Variants in TCF20 observed in about 807,000 individuals in gnomAD.
The protein encoded by TCF20 is SPRE-binding protein.
Under a neutral mutation model 148.6 loss-of-function variants are expected in TCF20, and 3 were observed. The ratio of observed to expected loss-of-function variants is 0.02; its 90% CI spans 0.01 to 0.05. TCF20 has a LOEUF of 0.05. Ranked by LOEUF, TCF20 falls within the 10% of genes least tolerant of loss-of-function variation. The pLI is 1.00. For synonymous variants in TCF20, 1,049 were observed against 909.5 expected (o/e 1.15, Z -2.76); for missense variants, 2,350 against 2,429.3 (o/e 0.97, Z 0.69).
intron 1 of TCF20, among the ~76,000 whole-genome samples, chr22:42,238,854 A>G (rs973526579): frequency 6.6e-6 from 1 of 152,212 alleles, no homozygotes; most frequent in Non-Finnish European, 1.5e-5. Context: ...GCGGTGGCTC[A>G]CGCCTGTAAT....
rs772910161 is a variant in TCF20 at position 42,212,057 on chromosome 22, C to T, written c.3249G>A (p.Leu1083=). 2 of 1,614,130 alleles carry T rather than the reference C, an allele frequency of 1.2e-6. No individual in the cohort carries two copies. The highest frequency in any genetic ancestry group is 1.7e-6 in the Non-Finnish European group (2 of 1,180,032). The change falls in exon 2 of 6, where the codon CTG becomes CTA. Residue 1083 remains leucine, a synonymous_variant. Coordinates refer to ENST00000677622, the MANE Select transcript of TCF20 (RefSeq NM_001378418.1). ...GDPNAGLNSQ[L]HYKRQMYQQQ... ...GTTGGTACATCTGTCTCTTATAATG[C>T]AGCTGAGAATTCAAACCTGCGTTAG... is the stretch of plus-strand genomic sequence containing the variant.
intron 1 of TCF20, among the ~76,000 whole-genome samples, chr22:42,226,727 A>G (rs933267595): frequency 7.9e-5 from 12 of 152,192 alleles, no homozygotes; most frequent in African/African-American, 2.9e-4. Context: ...AAATAATAAT[A>G]AAACAAACAA....
At chr22:42,234,511 C>T (rs1055669365) in intron 1 of TCF20, among the ~76,000 whole-genome samples, 4 of 152,116 alleles carry the variant, frequency 2.6e-5, no homozygotes, top group South Asian at 2.1e-4. Flanking sequence ...TTAGGAGGAG[C>T]GGAGGTGAGT....
At chr22:42,174,172 A>G (rs1936299967) in intron 3 of TCF20, among the ~76,000 whole-genome samples, 1 of 152,162 alleles carries the variant, frequency 6.6e-6, no homozygotes, top group Non-Finnish European at 1.5e-5. Flanking sequence ...GGTAGCTCTA[A>G]GCCTGTGCTG....
upstream of TCF20, among the ~76,000 whole-genome samples, chr22:42,284,795 C>T (rs1483935177): frequency 1.3e-5 from 2 of 152,244 alleles, no homozygotes; most frequent in African/African-American, 4.8e-5. Flanking sequence ...CACCTACTAC[C>T]TGCAAGCCCA....
intron 3 of TCF20, among the ~76,000 whole-genome samples, chr22:42,175,585 C>CA (rs1246695658): frequency 1.3e-5 from 2 of 151,858 alleles, no homozygotes; most frequent in African/African-American, 4.8e-5. Context: ...GTGATCCGCC[C>CA]ACTTCGGCCT....
chr22:42,209,317 T>C (rs2147192026), intron 2 of TCF20, among the ~76,000 whole-genome samples: 1 of 152,286 alleles, frequency 6.6e-6, no homozygotes, highest in East Asian at 1.9e-4. Flanking sequence ...GAAATGAAGA[T>C]GATGATGTTG....
At chr22:42,302,031 T>G (rs1382694123) in intron 1 of TCF20, among the ~76,000 whole-genome samples, 1 of 152,008 alleles carries the variant, frequency 6.6e-6, no homozygotes, top group Middle Eastern at 3.2e-3. Flanking sequence ...AACCCCCTGA[T>G]GGGTCTGCAT....
At position 42,338,328 on chromosome 22, in the gene TCF20, C is replaced by T. The variant is rs142625283; in HGVS notation, c.-37+5151G>A. Among the ~76,000 whole-genome samples, 4 of 152,316 alleles carry T rather than the reference C, an allele frequency of 2.6e-5. No homozygotes were observed. The highest frequency in any genetic ancestry group is 6.5e-5 in the Admixed American group (1 of 15,302). On this transcript the variant is annotated intron_variant, in intron 1 of 1. Coordinates refer to the TCF20 transcript ENST00000515426. This position sits in a 1 kb window ranked among gnomAD's most constrained non-coding sequence, Gnocchi z 4.0. Reference sequence around the variant, plus strand: ...ACTACACGTGCTGGGTGTGTAATAACGGGTTAACCATCACCCCTGGCAGGC... The same window carrying T: ...ACTACACGTGCTGGGTGTGTAATAATGGGTTAACCATCACCCCTGGCAGGC...
At chr22:42,283,891 G>A (rs939901675) in exon 1 of TCF20, among the ~76,000 whole-genome samples, 1 of 152,242 alleles carries the variant, frequency 6.6e-6, no homozygotes, top group African/African-American at 2.4e-5. Flanking sequence ...GACCACGGGG[G>A]AGGAAAACAA....
chr22:42,302,302 A>G (rs1408130997), intron 1 of TCF20, among the ~76,000 whole-genome samples: 2 of 152,114 alleles, frequency 1.3e-5, no homozygotes, highest in Non-Finnish European at 2.9e-5. Context: ...CTCTAGGACA[A>G]AAGAGACGGT....
chr22:42,225,859 A>C (rs1922842086), intron 1 of TCF20, among the ~76,000 whole-genome samples: 1 of 152,130 alleles, frequency 6.6e-6, no homozygotes, highest in South Asian at 2.1e-4. Context: ...TGCCCAGGCA[A>C]GTGTGCACAC....
chr22:42,169,818 G>C (rs772468034), intron 4 of TCF20, 29 bp downstream of exon 4: 3 of 1,612,658 alleles, frequency 1.9e-6, no homozygotes, highest in African/African-American at 1.3e-5. Flanking sequence ...TCCCATCCCT[G>C]CTGGTAGCTC....
At chr22:42,337,043 C>T (rs1337615600) in intron 1 of TCF20, among the ~76,000 whole-genome samples, 1 of 152,206 alleles carries the variant, frequency 6.6e-6, no homozygotes, top group African/African-American at 2.4e-5. Flanking sequence ...TCGGGCCTGG[C>T]ACACAGCACT....
chr22:42,194,213 C>A (rs1391379982), intron 2 of TCF20, among the ~76,000 whole-genome samples: 2 of 152,122 alleles, frequency 1.3e-5, no homozygotes, highest in East Asian at 3.9e-4. Context: ...TGGAGCTGAG[C>A]AACAAGATTT....
intron 1 of TCF20, among the ~76,000 whole-genome samples, chr22:42,261,775 C>T (rs548192790): frequency 1.6e-3 from 249 of 152,238 alleles, no homozygotes; most frequent in Admixed American, 4.6e-3. Context: ...GGGCAGATCA[C>T]GAGGTCAGGA....
chr22:42,179,596 G>A lies in TCF20; in HGVS notation c.5749+13C>T. ...TTGGATGCTCTGGACAAGGGTCTGT[G>A]GTCTCCTCTTACCTGCATCAATGGC... On this transcript the variant is annotated intron_variant, in intron 3 of 5. Coordinates refer to ENST00000677622, the MANE Select transcript of TCF20 (RefSeq NM_001378418.1). The A allele has an allele frequency of 6.3e-7, 1 of 1,598,092 alleles. No homozygotes were observed.
intron 2 of TCF20, among the ~76,000 whole-genome samples, chr22:42,184,046 G>A (rs944292923): frequency 6.6e-6 from 1 of 152,104 alleles, no homozygotes. Flanking sequence ...TGGGATTACA[G>A]GCATCAGCCA....
At chr22:42,303,891 G>A (rs973160823) in intron 1 of TCF20, among the ~76,000 whole-genome samples, 2 of 151,898 alleles carry the variant, frequency 1.3e-5, no homozygotes, top group African/African-American at 4.8e-5. Flanking sequence ...AAAGAAAAGG[G>A]GGAGAGGGGA....
Sources: allele counts gnomAD v4.1 joint callset (sites outside exome capture counted in the v4.1 genomes callset), GRCh38; gene constraint gnomAD v4.1.1; non-coding constraint Gnocchi (gnomAD v3.1); transcripts MANE v1.5; gene names NCBI Gene and HGNC (gene_info 2026-07-23, HGNC 2026-07-21).